The following KLF7 variants were observed in gnomAD, a reference collection of about 807,000 sequenced individuals.
KLF7 encodes Krueppel-like factor 7.
A neutral mutation model predicts 27.3 loss-of-function variants in KLF7; 2 were observed. The observed-to-expected ratio is 0.07, with a 90% CI of 0.03 to 0.23. The LOEUF is 0.23. KLF7 is among the 10% of genes least tolerant of loss of function. KLF7 has a pLI of 1.00. For synonymous variants in KLF7, 165 were observed against 162.4 expected (o/e 1.02, Z -0.12); for missense variants, 221 against 394.1 (o/e 0.56, Z 3.72).
intron 1 of KLF7, among the ~76,000 whole-genome samples, chr2:207,152,918 G>A (rs1256912520): frequency 6.6e-6 from 1 of 152,118 alleles, no homozygotes; most frequent in Non-Finnish European, 1.5e-5. Context: ...TAATTGAAGA[G>A]TGCACGATCT....
chr2:207,125,571 AC>A (rs2077456596), intron 1 of KLF7, among the ~76,000 whole-genome samples: 1 of 152,188 alleles, frequency 6.6e-6, no homozygotes, highest in African/African-American at 2.4e-5. Flanking sequence ...TTAATGATAT[AC>A]CTAGTAGTGT....
intron 1 of KLF7, among the ~76,000 whole-genome samples, chr2:207,153,721 G>T (rs1423243344): frequency 6.6e-6 from 1 of 151,986 alleles, no homozygotes; most frequent in African/African-American, 2.4e-5. Context: ...TCATGAAGTA[G>T]AGAGAAAGAT....
intron 2 of KLF7, among the ~76,000 whole-genome samples, chr2:207,100,145 G>GAAGA (rs10685273): frequency 0.57 from 86,837 of 151,450 alleles, 25,262 homozygotes; most frequent in African/African-American, 0.67. Context: ...TCAAAAAAAA[G>GAAGA]AAGAGCCCAA....
intron 1 of KLF7, among the ~76,000 whole-genome samples, chr2:207,142,984 T>G (rs2077985854): frequency 6.6e-6 from 1 of 152,212 alleles, no homozygotes; most frequent in Non-Finnish European, 1.5e-5. Flanking sequence ...AAGATATTAG[T>G]GAAACCCAGT....
rs766288622 is a variant in KLF7 at position 207,124,216 on chromosome 2, G to C, written c.291C>G (p.Ile97Met). 1.2e-6 allele frequency: 2 copies of C among 1,614,168 alleles called. No homozygotes were observed. Among genetic ancestry groups the C allele is most frequent in the Admixed American group, 3.3e-5 (2 of 60,026 alleles). The change falls in exon 2 of 4, where the codon ATC becomes ATG. Residue 97 changes from isoleucine to methionine, a missense_variant. Ile to Met is a conservative substitution (Grantham distance 10, BLOSUM62 1). Coordinates refer to ENST00000309446, the MANE Select transcript of KLF7 (RefSeq NM_003709.4). ...AICEKSSAVD[I>M]LLSRDKLLSE... ...ATAGCAACTTGTCCCGAGAGAGCAA[G>C]ATGTCCACTGCCGAGCTCTTCTCAC...
intron 1 of KLF7, among the ~76,000 whole-genome samples, chr2:207,163,947 T>C (rs1239395006): frequency 6.6e-6 from 1 of 152,248 alleles, no homozygotes; most frequent in Non-Finnish European, 1.5e-5. Context: ...AGAAAGACTT[T>C]ATTCTAAAAA....
At chr2:207,166,340 AT>A, upstream of KLF7, 1 of 258,082 alleles carries the variant, frequency 3.9e-6, no homozygotes, top group Non-Finnish European at 6.0e-6. Context: ...GAGGCGAGCT[AT>A]TTTTAGAGGG....
chr2:207,148,240 T>C (rs549932767), intron 1 of KLF7, among the ~76,000 whole-genome samples: 1 of 152,322 alleles, frequency 6.6e-6, no homozygotes, highest in South Asian at 2.1e-4. Flanking sequence ...GCCAAAGGTA[T>C]GTCCCAACAA....
intron 1 of KLF7, among the ~76,000 whole-genome samples, chr2:207,124,707 A>AT (rs2077434557): frequency 6.6e-6 from 1 of 152,174 alleles, no homozygotes; most frequent in Admixed American, 6.5e-5. Context: ...CCTCAATCCA[A>AT]TTCAGCAGGT....
chr2:207,118,808 G>A (rs1024183980), intron 2 of KLF7, among the ~76,000 whole-genome samples: 1 of 152,220 alleles, frequency 6.6e-6, no homozygotes, highest in African/African-American at 2.4e-5. Context: ...AAAATAAACT[G>A]TATTTCAAAC....
chr2:207,124,516 G>A (rs1256930215), intron 1 of KLF7, 112 bp from the exon 2 acceptor site: 1 of 1,050,872 alleles, frequency 9.5e-7, no homozygotes, highest in African/African-American at 1.6e-5. Context: ...GTCATGGCTT[G>A]TATCAGAAAT....
chr2:207,149,567 A>G (rs2078186383), intron 1 of KLF7, among the ~76,000 whole-genome samples: 1 of 152,230 alleles, frequency 6.6e-6, no homozygotes, highest in South Asian at 2.1e-4. Context: ...TCACAGACAG[A>G]GCTGCAGATA....
intron 2 of KLF7, among the ~76,000 whole-genome samples, chr2:207,096,637 A>G (rs1380438607): frequency 6.6e-6 from 1 of 152,096 alleles, no homozygotes; most frequent in Non-Finnish European, 1.5e-5. Context: ...GGCTCAAAGA[A>G]GCCTTCTTCT....
intron 1 of KLF7, among the ~76,000 whole-genome samples, chr2:207,150,696 A>C (rs893954915): frequency 2.0e-5 from 3 of 152,166 alleles, no homozygotes; most frequent in African/African-American, 7.2e-5. Flanking sequence ...TTCTGATGCC[A>C]AATCCCTTGA....
Position 207,081,153 on chromosome 2 carries a change from C to T in KLF7, c.*60G>A. On this transcript the variant is annotated 3_prime_UTR_variant, in exon 4 of 4. Coordinates refer to ENST00000309446, the MANE Select transcript of KLF7 (RefSeq NM_003709.4). ...TCCCCGCCTGAAGTCCAGCCCCCTG[C>T]CTCATGGCGTTTCCTTTAGACACTA... 5 of 1,503,058 alleles carry T rather than the reference C, an allele frequency of 3.3e-6. No individual in the cohort carries two copies. In the South Asian group the frequency reaches 4.5e-5, roughly 14 times the overall value. 93.1% of individuals were successfully genotyped at this position (1,503,058 alleles called of 1,614,324 possible). A position where few individuals can be genotyped will look rare whatever the true frequency, so the allele number is the denominator to read the frequency against.
intron 2 of KLF7, among the ~76,000 whole-genome samples, chr2:207,100,562 C>A (rs2076742360): frequency 6.6e-6 from 1 of 152,112 alleles, no homozygotes; most frequent in South Asian, 2.1e-4. Context: ...TCTTACATAA[C>A]CCTCTAGTCT....
chr2:207,118,086 A>G (rs1170924768), intron 2 of KLF7, among the ~76,000 whole-genome samples: 1 of 152,222 alleles, frequency 6.6e-6, no homozygotes, highest in East Asian at 1.9e-4. Context: ...CATGGGTCCA[A>G]TTTAATTTCT....
Position 207,088,444 on chromosome 2 carries a change from C to T in KLF7, c.857+14G>A. ...TCTCTCCTCCCTAGCCCATCAACTTCTACTTCTCTTTACCTGTCGCAGTGG... is the reference window on the plus strand; with the variant it reads ...TCTCTCCTCCCTAGCCCATCAACTTTTACTTCTCTTTACCTGTCGCAGTGG... On this transcript the variant is annotated intron_variant, in intron 3 of 3. Transcript: ENST00000309446. The T allele has an allele frequency of 2.5e-6, 4 of 1,613,006 alleles. No individual in the cohort carries two copies. Among genetic ancestry groups the T allele is most frequent in the Non-Finnish European group, 3.4e-6 (4 of 1,179,144 alleles).
intron 1 of KLF7, among the ~76,000 whole-genome samples, chr2:207,144,373 C>T (rs1219904338): frequency 6.6e-6 from 1 of 152,186 alleles, no homozygotes; most frequent in Non-Finnish European, 1.5e-5. Flanking sequence ...TCATTTTTCA[C>T]TCTGTTTTCT....
Sources: gnomAD v4.1 joint callset for allele counts (sites outside exome capture counted in the v4.1 genomes callset) on GRCh38, gnomAD v4.1.1 for gene constraint, MANE v1.5 for transcripts, NCBI Gene and HGNC (gene_info 2026-07-23, HGNC 2026-07-21) for gene names.